Variants in RANBP2 observed in about 807,000 individuals in gnomAD.
RANBP2 encodes E3 SUMO-protein ligase RanBP2.
Under a neutral mutation model 303.6 loss-of-function variants are expected in RANBP2, and 57 were observed. That is an observed-to-expected ratio of 0.19 (90% CI 0.15 to 0.23). RANBP2 has a LOEUF of 0.23. RANBP2 is among the 10% of genes least tolerant of loss of function. The pLI is 1.00. For missense variants in RANBP2, 3,138 were observed against 3,780.8 expected (o/e 0.83, Z 4.46); for synonymous variants, 1,167 against 1,301.5 (o/e 0.90, Z 2.23).
chr2:109,053,961 A>T, the RANBP2 span, among the ~76,000 whole-genome samples: 1 of 152,096 alleles, frequency 6.6e-6, no homozygotes, highest in Non-Finnish European at 1.5e-5. Context: ...CTCTGGGGCC[A>T]GTTCAAGGGA....
the RANBP2 span, among the ~76,000 whole-genome samples, chr2:109,227,213 C>T: frequency 3.1e-3 from 471 of 152,274 alleles, 3 homozygotes; most frequent in African/African-American, 0.011. Context: ...GAGAGGATCC[C>T]ACCCAGGCCT....
At chr2:109,407,977 A>G in the RANBP2 span, among the ~76,000 whole-genome samples, 1 of 152,110 alleles carries the variant, frequency 6.6e-6, no homozygotes, top group Non-Finnish European at 1.5e-5. Flanking sequence ...TAGGAACCAG[A>G]TCCACGGGTT....
the RANBP2 span, among the ~76,000 whole-genome samples, chr2:109,125,299 T>C: frequency 6.6e-6 from 1 of 152,034 alleles, no homozygotes; most frequent in East Asian, 1.9e-4. Context: ...CTTAGCAGAG[T>C]TGGTGGGGGG....
At chr2:108,724,803 C>T (rs1422547857) in intron 1 of RANBP2, among the ~76,000 whole-genome samples, 1 of 151,612 alleles carries the variant, frequency 6.6e-6, no homozygotes, top group South Asian at 2.1e-4. Flanking sequence ...TCCTCATTGT[C>T]CTGTATAATC....
the RANBP2 span, among the ~76,000 whole-genome samples, chr2:109,035,167 G>C: frequency 1.3e-5 from 2 of 152,214 alleles, no homozygotes; most frequent in African/African-American, 4.8e-5. Context: ...AGATCAAAAA[G>C]TAGTTTGTAC....
At chr2:108,994,150 T>G in the RANBP2 span, among the ~76,000 whole-genome samples, 1 of 152,156 alleles carries the variant, frequency 6.6e-6, no homozygotes, top group African/African-American at 2.4e-5. Context: ...ATTCCCCCCA[T>G]GGACACCTTA....
chr2:109,129,810 C>T, the RANBP2 span: 14 of 1,538,186 alleles, frequency 9.1e-6, no homozygotes, highest in African/African-American at 1.4e-5. Context: ...GCTCGCGCCA[C>T]GAGCTGCGCT....
the RANBP2 span, among the ~76,000 whole-genome samples, chr2:109,541,595 T>A: frequency 6.6e-6 from 1 of 152,238 alleles, no homozygotes; most frequent in Non-Finnish European, 1.5e-5. Context: ...AACCCATTCC[T>A]TAACTGCTTC....
At chr2:109,081,853 A>C in the RANBP2 span, among the ~76,000 whole-genome samples, 1 of 152,236 alleles carries the variant, frequency 6.6e-6, no homozygotes, top group Non-Finnish European at 1.5e-5. Context: ...TGCACTTGCC[A>C]ACGAGGCATC....
chr2:109,585,720 C>T, the RANBP2 span: 50 of 1,602,220 alleles, frequency 3.1e-5, no homozygotes, highest in Non-Finnish European at 4.1e-5. Context: ...GTGGCACGTA[C>T]CCACACAGAG....
At chr2:109,559,013 A>G in the RANBP2 span, among the ~76,000 whole-genome samples, 135,109 of 151,990 alleles carry the variant, frequency 0.89, 60,125 homozygotes, top group Middle Eastern at 0.97. Flanking sequence ...AGCCTCCCAC[A>G]TAGCTGGGCT....
chr2:109,287,403 C>T, the RANBP2 span, among the ~76,000 whole-genome samples: 3 of 152,144 alleles, frequency 2.0e-5, no homozygotes, highest in Admixed American at 1.3e-4. Flanking sequence ...TATCTGTGGG[C>T]TTACAGTGAC....
the RANBP2 span, among the ~76,000 whole-genome samples, chr2:109,717,353 G>A: frequency 2.6e-5 from 4 of 151,330 alleles, no homozygotes; most frequent in African/African-American, 4.8e-5. Flanking sequence ...AGGCCGAGGC[G>A]GGTGGATCAC....
At chr2:109,320,765 G>A in the RANBP2 span, among the ~76,000 whole-genome samples, 2 of 152,202 alleles carry the variant, frequency 1.3e-5, no homozygotes, top group Non-Finnish European at 2.9e-5. Flanking sequence ...TTTCTGCTGG[G>A]AGAAAATAAA....
At chr2:109,257,457 C>G in the RANBP2 span, among the ~76,000 whole-genome samples, 1 of 151,890 alleles carries the variant, frequency 6.6e-6, no homozygotes, top group Non-Finnish European at 1.5e-5. Flanking sequence ...GGAAGAAGCC[C>G]CATGGCTTTC....
the RANBP2 span, among the ~76,000 whole-genome samples, chr2:109,272,866 C>T: frequency 0.013 from 1,974 of 152,286 alleles, 34 homozygotes; most frequent in African/African-American, 0.045. Context: ...TGTCGGCAAA[C>T]GTTCTCTAAC....
chr2:108,842,107 A>T, the RANBP2 span, among the ~76,000 whole-genome samples: 1 of 152,100 alleles, frequency 6.6e-6, no homozygotes, highest in Non-Finnish European at 1.5e-5. Flanking sequence ...AGATCACTGC[A>T]GCCTCCAGCT....
chr2:108,843,886 CTTT>C, the RANBP2 span, among the ~76,000 whole-genome samples: 66 of 93,966 alleles, frequency 7.0e-4, 7 homozygotes, highest in South Asian at 0.017. Flanking sequence ...GTGTTTCTTT[CTTT>C]TTTTTTTTTT....
chr2:109,593,301 T>C, the RANBP2 span, among the ~76,000 whole-genome samples: 2 of 152,170 alleles, frequency 1.3e-5, no homozygotes, highest in African/African-American at 4.8e-5. Flanking sequence ...GATAGGTATC[T>C]ACATAAGTAA....
Sources: gnomAD v4.1 joint callset for allele counts (sites outside exome capture counted in the v4.1 genomes callset) on GRCh38, gnomAD v4.1.1 for gene constraint, MANE v1.5 for transcripts, NCBI Gene and HGNC (gene_info 2026-07-23, HGNC 2026-07-21) for gene names.